Variants in PTPRD observed in about 807,000 individuals in gnomAD.
PTPRD encodes the protein protein tyrosine phosphatase receptor type D.
A neutral mutation model predicts 214.5 loss-of-function variants in PTPRD; 34 were observed. That is an observed-to-expected ratio of 0.16 (90% CI 0.12 to 0.21). The LOEUF (loss-of-function observed/expected upper bound fraction) is 0.21, where lower values mean the gene tolerates loss of function less well. Among genes scored for constraint, PTPRD ranks in the 10% least tolerant of loss-of-function variants. PTPRD has a pLI of 1.00. For synonymous variants in PTPRD, 1,128 were observed against 845.7 expected, an observed-to-expected ratio of 1.33 and a Z score of -5.79; for missense variants, 2,545 against 2,398.7, an observed-to-expected ratio of 1.06 and a Z score of -1.27.
At chr9:9,804,091 G>A (rs576241495) in intron 5 of PTPRD, among the ~76,000 whole-genome samples, 11 of 151,996 alleles carry the variant, frequency 7.2e-5, no homozygotes, top group Non-Finnish European at 1.0e-4. Context: ...AAGATTATCT[G>A]ATGGCTGTTT....
chr9:8,858,681 A>G (rs2098014159), intron 11 of PTPRD, among the ~76,000 whole-genome samples: 1 of 101,122 alleles, frequency 9.9e-6, no homozygotes, highest in Admixed American at 1.0e-4. Context: ...GGACGCGGGG[A>G]GAGCTGGGCC....
At chr9:8,905,222 A>G (rs1382965403) in intron 11 of PTPRD, among the ~76,000 whole-genome samples, 1 of 152,074 alleles carries the variant, frequency 6.6e-6, no homozygotes, top group African/African-American at 2.4e-5. Context: ...TCCAAAGTAA[A>G]GCATTCTGTG....
At chr9:10,150,891 A>C (rs72696928) in intron 3 of PTPRD, among the ~76,000 whole-genome samples, 30,616 of 151,718 alleles carry the variant, frequency 0.2, 3,302 homozygotes, top group Admixed American at 0.31. Flanking sequence ...GTATCCCCAA[A>C]TTCTCTTAAA....
At position 9,597,238 on chromosome 9, in the gene PTPRD, G is replaced by T. The variant is rs145734359; in HGVS notation, c.-286-22457C>A. 9.9e-5 allele frequency among the ~76,000 whole-genome samples: 15 copies of T among 151,844 alleles called. 1 individual carries two copies. Among genetic ancestry groups the T allele is most frequent in the Non-Finnish European group, 1.5e-5 (1 of 67,898 alleles). On this transcript the variant is annotated intron_variant, in intron 7 of 45. Transcript: ENST00000381196. ...GCCAACAGATATAACCTCCCCCACC[G>T]CAGGATATCATCCCATCAAAGTGGG... is the stretch of plus-strand genomic sequence containing the variant.
At chr9:8,710,098 G>A (rs72700391) in intron 12 of PTPRD, among the ~76,000 whole-genome samples, 18,108 of 152,090 alleles carry the variant, frequency 0.12, 1,107 homozygotes, top group South Asian at 0.16. Context: ...CGTGAAGCAA[G>A]GTGCACGCAC....
chr9:9,672,036 G>A (rs888361362), intron 7 of PTPRD, among the ~76,000 whole-genome samples: 8 of 152,166 alleles, frequency 5.3e-5, no homozygotes, highest in African/African-American at 1.9e-4. Context: ...TTGAGAGAAT[G>A]AGGCAACCTT....
intron 12 of PTPRD, among the ~76,000 whole-genome samples, chr9:8,697,318 C>T (rs529730761): frequency 1.4e-5 from 2 of 148,038 alleles, no homozygotes; most frequent in Admixed American, 6.8e-5. Flanking sequence ...TCATGGGGCT[C>T]TTTAAATATA....
chr9:8,423,031 G>A (rs552644998), intron 35 of PTPRD, among the ~76,000 whole-genome samples: 3 of 152,308 alleles, frequency 2.0e-5, no homozygotes, highest in Admixed American at 6.5e-5. Flanking sequence ...ACCTAAGCCT[G>A]CAGGGATGGG....
At chr9:9,058,511 C>G (rs1222564419) in intron 10 of PTPRD, among the ~76,000 whole-genome samples, 10 of 121,276 alleles carry the variant, frequency 8.2e-5, no homozygotes, top group African/African-American at 2.4e-4. Context: ...TGCAGAGGCG[C>G]GATCTCGGCT....
intron 8 of PTPRD, among the ~76,000 whole-genome samples, chr9:9,558,871 TCTCAGGC>T (rs1440804628): frequency 6.6e-6 from 1 of 152,130 alleles, no homozygotes; most frequent in African/African-American, 2.4e-5. Flanking sequence ...TCTAGGGGTG[TCTCAGGC>T]CCCATGACCT....
chr9:9,211,816 T>TTC (rs144611586), intron 9 of PTPRD, among the ~76,000 whole-genome samples: 1 of 151,476 alleles, frequency 6.6e-6, no homozygotes, highest in Non-Finnish European at 1.5e-5. Flanking sequence ...TTTTTTTTTT[T>TTC]CATTTTGAAA....
chr9:8,697,418 T>C (rs1182812961), intron 12 of PTPRD, among the ~76,000 whole-genome samples: 5 of 72,060 alleles, frequency 6.9e-5, no homozygotes, highest in Non-Finnish European at 1.4e-4. Flanking sequence ...TTTTATGTAC[T>C]TTTTTTTTTT....
intron 23 of PTPRD, 67 bp from the exon 24 acceptor site, chr9:8,501,126 A>G: frequency 8.0e-7 from 1 of 1,249,420 alleles, no homozygotes; most frequent in East Asian, 2.5e-5. Context: ...AAAAAAAATG[A>G]TAAAACAAAA....
chr9:9,621,821 C>T (rs766141326), intron 7 of PTPRD, among the ~76,000 whole-genome samples: 15 of 152,146 alleles, frequency 9.9e-5, no homozygotes, highest in Non-Finnish European at 1.9e-4. Flanking sequence ...GATGGAAACA[C>T]GGAGTGTGCT....
chr9:10,491,707 GTTTC>G (rs1443013687), intron 2 of PTPRD, among the ~76,000 whole-genome samples: 4 of 151,544 alleles, frequency 2.6e-5, no homozygotes, highest in Admixed American at 6.6e-5. Flanking sequence ...AATTTTCAGG[GTTTC>G]TTTCTTTTTT....
In PTPRD at chr9:8,833,572, T is replaced by C. The variant is rs182288499; in HGVS notation, c.-103-99626A>G. 1.3e-3 allele frequency among the ~76,000 whole-genome samples: 190 copies of C among 151,590 alleles called. 1 individual carries two copies. In the South Asian group the frequency reaches 0.024, roughly 19 times the overall value. On this transcript the variant is annotated intron_variant, in intron 11 of 45. Coordinates refer to ENST00000381196, the MANE Select transcript of PTPRD (RefSeq NM_002839.4). Reference sequence around the variant, plus strand: ...TTCTCACTTGTTAGGGCTGGATCTATGTATGACCTGGTCCATTTTTCATAT... The same window carrying C: ...TTCTCACTTGTTAGGGCTGGATCTACGTATGACCTGGTCCATTTTTCATAT...
chr9:10,530,844 C>T (rs702130), intron 2 of PTPRD, among the ~76,000 whole-genome samples: 108,776 of 152,054 alleles, frequency 0.72, 39,257 homozygotes, highest in East Asian at 0.9. Context: ...AGTTCATCCT[C>T]ACAGCAGACT....
At position 8,316,798 on chromosome 9, in the gene PTPRD, TA is replaced by T. The variant is rs1822133211; in HGVS notation, c.*1075del. The stretch of plus-strand genomic sequence containing the variant: ...CTGATGTGCATTCCTCATTTCCCTT[TA>T]AAGAAATACCAATATGTCAAAAAAT... On this transcript the variant is annotated 3_prime_UTR_variant, in exon 46 of 46. Coordinates refer to ENST00000381196, the MANE Select transcript of PTPRD (RefSeq NM_002839.4). 2 of 231,256 alleles carry T rather than the reference TA, an allele frequency of 8.6e-6. No individual in the cohort carries two copies. The highest frequency in any genetic ancestry group is 4.4e-5 in the African/African-American group (2 of 45,204). The allele number at this position is 231,256 out of a possible 1,614,324, so 14.3% of individuals were successfully genotyped here.
chr9:9,672,189 A>G (rs749159715), intron 7 of PTPRD, among the ~76,000 whole-genome samples: 1 of 152,208 alleles, frequency 6.6e-6, no homozygotes, highest in African/African-American at 2.4e-5. Flanking sequence ...GTATAATTCT[A>G]TATGATTCCA....
Sources: allele counts gnomAD v4.1 joint callset (sites outside exome capture counted in the v4.1 genomes callset), GRCh38; gene constraint gnomAD v4.1.1; transcripts MANE v1.5; gene names NCBI Gene and HGNC (gene_info 2026-07-23, HGNC 2026-07-21).